The following ETNK1 variants were observed in gnomAD, a reference collection of about 807,000 sequenced individuals.
ETNK1 encodes the protein putative protein product of Nbla10396.
In ETNK1, 8 loss-of-function variants were observed where a neutral mutation model predicts 45.1. That is an observed-to-expected ratio of 0.18 (90% CI 0.10 to 0.32). The LOEUF (loss-of-function observed/expected upper bound fraction) is 0.32, where lower values mean the gene tolerates loss of function less well. Ranked by LOEUF, ETNK1 falls within the 10% of genes least tolerant of loss-of-function variation. The pLI is 1.00. For synonymous variants in ETNK1, 152 were observed against 151.9 expected (o/e 1.00, Z -0.01); for missense variants, 302 against 430.6 (o/e 0.70, Z 2.64).
chr12:22,640,314 C>T (rs991840594), intron 1 of ETNK1, among the ~76,000 whole-genome samples: 10 of 151,278 alleles, frequency 6.6e-5, no homozygotes, highest in African/African-American at 1.7e-4. Flanking sequence ...GGATATAATT[C>T]GTCATGCAAA....
rs570434799 is a variant in ETNK1, at chr12:22,644,293, A to T, written c.416+271A>T. On this transcript the variant is annotated intron_variant, in intron 2 of 7. Transcript: ENST00000266517. Reference sequence around the variant, plus strand: ...CTGCAGAGGGTCAAGGCTTCTGCTTAGTTTTTTCTAGTTAGTGTTTGAGTT... The same window carrying T: ...CTGCAGAGGGTCAAGGCTTCTGCTTTGTTTTTTCTAGTTAGTGTTTGAGTT... 11 of 1,598,218 alleles carry T rather than the reference A, an allele frequency of 6.9e-6. No homozygotes were observed. In the East Asian group the frequency reaches 2.0e-4, roughly 29 times the overall value.
intron 3 of ETNK1, 59 bp from the exon 4 acceptor site, chr12:22,661,004 C>A: frequency 2.1e-6 from 3 of 1,456,172 alleles, no homozygotes; most frequent in South Asian, 1.3e-5. Context: ...GATTTTAATC[C>A]TTAATCAAAC....
At chr12:22,654,026 A>G (rs1953910736) in intron 2 of ETNK1, among the ~76,000 whole-genome samples, 1 of 152,186 alleles carries the variant, frequency 6.6e-6, no homozygotes, top group Admixed American at 6.5e-5. Context: ...CCAATGAAAT[A>G]GTATTAAGAG....
rs372905608 is a variant in ETNK1 at position 22,660,589 on chromosome 12, T to G, written c.558-474T>G. Among the ~76,000 whole-genome samples, 16 of 152,270 alleles carry G rather than the reference T, an allele frequency of 1.1e-4. 1 individual carries two copies. The highest frequency in any genetic ancestry group is 3.8e-4 in the African/African-American group (16 of 41,568). ...CAACTGTAGACAGTAATCTTTTGAC[T>G]TTTCTGAGAATTTAGATTTATATTG... On this transcript the variant is annotated intron_variant, in intron 3 of 7. Coordinates refer to ENST00000266517, the MANE Select transcript of ETNK1 (RefSeq NM_018638.5).
chr12:22,677,885 G>C (rs1273304048), intron 6 of ETNK1, among the ~76,000 whole-genome samples: 1 of 152,000 alleles, frequency 6.6e-6, no homozygotes, highest in Admixed American at 6.6e-5. Context: ...TGCTGAAGTT[G>C]CTTTTCAGCT....
At position 22,625,406 on chromosome 12, in the gene ETNK1, G is replaced by A. The variant is rs1392560706; in HGVS notation, c.-25G>A. ...TGGTCGCCGTCGCCGTCGTCGTGGTGGTAGTCTCCGCCGTCGCCTGGGCCA... is the reference window on the plus strand; with the variant it reads ...TGGTCGCCGTCGCCGTCGTCGTGGTAGTAGTCTCCGCCGTCGCCTGGGCCA... On this transcript the variant is annotated 5_prime_UTR_variant, in exon 1 of 8. Transcript: ENST00000266517. 1 of 1,568,424 alleles carries A rather than the reference G, an allele frequency of 6.4e-7. No homozygotes were observed. The highest frequency in any genetic ancestry group is 8.6e-7 in the Non-Finnish European group (1 of 1,159,882).
intron 2 of ETNK1, among the ~76,000 whole-genome samples, chr12:22,653,587 C>T: frequency 6.6e-6 from 1 of 151,828 alleles, no homozygotes; most frequent in African/African-American, 2.4e-5. Context: ...ACGGTTATTC[C>T]TGAGTATTTA....
rs1247972940 is a variant in ETNK1 at position 22,689,637 on chromosome 12, T to C, written c.*4683T>C. ...AATTGTAGGTGATGCATTAGTTAAA[T>C]TTCAAAACTCATAATAAAGGAACTT... On this transcript the variant is annotated 3_prime_UTR_variant, in exon 8 of 8. Coordinates refer to ENST00000266517, the MANE Select transcript of ETNK1 (RefSeq NM_018638.5). 6.6e-6 allele frequency: 1 copy of C among 152,050 alleles called. No individual in the cohort carries two copies. The highest frequency in any genetic ancestry group is 1.5e-5 in the Non-Finnish European group (1 of 67,902). The allele number at this position is 152,050 out of a possible 1,614,324, so 9.4% of individuals were successfully genotyped here.
intron 2 of ETNK1, among the ~76,000 whole-genome samples, chr12:22,657,519 T>C (rs77590505): frequency 6.6e-6 from 1 of 152,094 alleles, no homozygotes; most frequent in South Asian, 2.1e-4. Flanking sequence ...TTTTTTTTTT[T>C]CTCACAAACT....
intron 6 of ETNK1, among the ~76,000 whole-genome samples, chr12:22,679,861 T>A (rs1954197438): frequency 6.6e-6 from 1 of 152,096 alleles, no homozygotes; most frequent in Admixed American, 6.5e-5. Flanking sequence ...CCAGCTAATT[T>A]TTGTATTTTT....
chr12:22,656,906 G>A (rs1953949310), intron 2 of ETNK1: 1 of 665,114 alleles, frequency 1.5e-6, no homozygotes, highest in African/African-American at 2.0e-5. Context: ...ATTGCCCCTT[G>A]TGTTTCATGT....
chr12:22,682,475 C>G (rs1490009789), intron 6 of ETNK1: 1 of 278,524 alleles, frequency 3.6e-6, no homozygotes, highest in Non-Finnish European at 7.2e-6. Context: ...TGTGCAAATT[C>G]AACTCAAAAG....
intron 6 of ETNK1, among the ~76,000 whole-genome samples, chr12:22,675,565 T>C (rs754357448): frequency 1.3e-5 from 2 of 151,974 alleles, no homozygotes; most frequent in Non-Finnish European, 2.9e-5. Flanking sequence ...GCTATGTTGC[T>C]CAGGCTGGTC....
intron 6 of ETNK1, among the ~76,000 whole-genome samples, chr12:22,674,729 A>G (rs1424310518): frequency 1.3e-5 from 2 of 152,260 alleles, no homozygotes; most frequent in East Asian, 1.9e-4. Context: ...TAGCTCATCA[A>G]TTCTTAACCA....
rs1283782688 is a variant in ETNK1 at position 22,643,826 on chromosome 12, G to A, written c.220G>A (p.Val74Ile). ...TTACGTGGGAAACACCATGGAGGAT[G>A]TAGTCCTGGTGAGAATTTATGGCAA... ...GCYVGNTMED[V>I]VLVRIYGNKT... The change falls in exon 2 of 8, where the codon GTA becomes ATA. Residue 74 changes from valine to isoleucine, a missense_variant. Around this residue, in one of 3 missense-constraint regions of ETNK1, gnomAD observed 205 missense variants for 259.9 expected, o/e 0.79. Transcript: ENST00000266517. 6.2e-7 allele frequency: 1 copy of A among 1,613,160 alleles called. No homozygotes were observed. Among genetic ancestry groups the A allele is most frequent in the Non-Finnish European group, 8.5e-7 (1 of 1,179,388 alleles).
intron 6 of ETNK1, among the ~76,000 whole-genome samples, chr12:22,678,680 G>A (rs1237625074): frequency 6.6e-6 from 1 of 152,206 alleles, no homozygotes; most frequent in East Asian, 1.9e-4. Flanking sequence ...ATGAAAGCAG[G>A]AGAGGATTGA....
intron 4 of ETNK1, among the ~76,000 whole-genome samples, chr12:22,663,206 A>G (rs937477998): frequency 2.6e-5 from 4 of 152,132 alleles, no homozygotes; most frequent in African/African-American, 9.7e-5. Flanking sequence ...TCTCAATGCC[A>G]TTTGTGAGAC....
intron 3 of ETNK1, among the ~76,000 whole-genome samples, chr12:22,660,000 T>C (rs2137555771): frequency 6.6e-6 from 1 of 150,584 alleles, no homozygotes; most frequent in South Asian, 2.1e-4. Flanking sequence ...TTTATAATCC[T>C]TCGAATCCCA....
intron 4 of ETNK1, among the ~76,000 whole-genome samples, chr12:22,664,604 T>C (rs11046524): frequency 1.5e-4 from 23 of 151,948 alleles, no homozygotes; most frequent in African/African-American, 5.6e-4. Context: ...TTAACACTTA[T>C]GGCAGCAATT....
Sources: allele counts gnomAD v4.1 joint callset (sites outside exome capture counted in the v4.1 genomes callset), GRCh38; gene constraint gnomAD v4.1.1; regional missense constraint gnomAD v4.1.1; transcripts MANE v1.5; gene names NCBI Gene and HGNC (gene_info 2026-07-23, HGNC 2026-07-21).